Variants in KIF26B observed in about 807,000 individuals in gnomAD.
KIF26B encodes the protein kinesin family member 26B.
Under a neutral mutation model 151.2 loss-of-function variants are expected in KIF26B, and 63 were observed. The observed-to-expected ratio is 0.42, with a 90% CI of 0.34 to 0.51. The LOEUF (loss-of-function observed/expected upper bound fraction) is 0.51, where lower values mean the gene tolerates loss of function less well. KIF26B is among the 20% of genes least tolerant of loss of function. The pLI is 0.07. For synonymous variants in KIF26B, 1,357 were observed against 1,262.1 expected, an observed-to-expected ratio of 1.08 and a Z score of -1.59; for missense variants, 2,813 against 2,913.6, an observed-to-expected ratio of 0.97 and a Z score of 0.79.
intron 5 of KIF26B, among the ~76,000 whole-genome samples, chr1:245,552,003 C>A (rs905570780): frequency 2.6e-5 from 4 of 152,062 alleles, no homozygotes; most frequent in Non-Finnish European, 5.9e-5. Flanking sequence ...GGGCCATGTC[C>A]TTCTTGTTCC....
chr1:245,517,229 C>T (rs1027400597), intron 4 of KIF26B, among the ~76,000 whole-genome samples: 7 of 152,030 alleles, frequency 4.6e-5, no homozygotes, highest in African/African-American at 9.7e-5. Context: ...CGTGGTGACA[C>T]GTGCCCCAGC....
In KIF26B at chr1:245,686,658, C is replaced by G; in HGVS notation, c.3675C>G (p.Gly1225=). Reference sequence around the variant, plus strand: ...GCTCTGCACGGGCCCTGGCCTCGGGCTCGCGGCCCGTCAGCATCATCAGCA... The same window carrying G: ...GCTCTGCACGGGCCCTGGCCTCGGGGTCGCGGCCCGTCAGCATCATCAGCA... The part of the protein sequence containing the change: ...SDCSARALAS[G]SRPVSIISSI... Residue 1225 remains glycine (G), a synonymous_variant, in exon 12 of 15, where the codon GGC becomes GGG. Transcript: ENST00000407071. The surrounding 1 kb of genome is among the most constrained non-coding windows in gnomAD (Gnocchi z 5.6). 1 of 1,611,286 alleles carries G rather than the reference C, an allele frequency of 6.2e-7. No homozygotes were observed. The highest frequency in any genetic ancestry group is 8.5e-7 in the Non-Finnish European group (1 of 1,178,986).
intron 4 of KIF26B, among the ~76,000 whole-genome samples, chr1:245,457,736 A>G (rs868460637): frequency 5.9e-5 from 9 of 152,340 alleles, no homozygotes; most frequent in Middle Eastern, 6.8e-3. Flanking sequence ...TCAATATTAT[A>G]TATTTGAGAT....
At chr1:245,432,709 G>A (rs796575670) in intron 4 of KIF26B, among the ~76,000 whole-genome samples, 37 of 152,306 alleles carry the variant, frequency 2.4e-4, no homozygotes, top group African/African-American at 8.4e-4. Context: ...GATATTATGT[G>A]GTGTTGGGTA....
At chr1:245,483,405 C>T (rs1172606539) in intron 4 of KIF26B, among the ~76,000 whole-genome samples, 1 of 151,792 alleles carries the variant, frequency 6.6e-6, no homozygotes, top group South Asian at 2.1e-4. Context: ...TCTGCCTGAC[C>T]CCAGAGCTCC....
chr1:245,641,254 T>C (rs951729364), intron 9 of KIF26B, among the ~76,000 whole-genome samples: 7 of 152,150 alleles, frequency 4.6e-5, no homozygotes, highest in African/African-American at 1.7e-4. Context: ...TCTCACTGTT[T>C]TTAGGACCCT....
At chr1:245,586,617 C>T (rs972678226) in intron 5 of KIF26B, among the ~76,000 whole-genome samples, 10 of 152,126 alleles carry the variant, frequency 6.6e-5, no homozygotes, top group Non-Finnish European at 1.3e-4. Context: ...GGCGCGGTGG[C>T]TCACGCCTGT....
intron 2 of KIF26B, among the ~76,000 whole-genome samples, chr1:245,276,234 C>T (rs1670935797): frequency 6.6e-6 from 1 of 152,008 alleles, no homozygotes; most frequent in Non-Finnish European, 1.5e-5. Context: ...ACTCAGGAGG[C>T]TGAGGCAGGA....
chr1:245,356,065 G>A (rs980752175), intron 2 of KIF26B, among the ~76,000 whole-genome samples: 2 of 152,156 alleles, frequency 1.3e-5, no homozygotes, highest in African/African-American at 4.8e-5. Flanking sequence ...AGGGGACCTG[G>A]AAACCTGCCT....
chr1:245,315,005 A>G (rs1414015234), intron 2 of KIF26B, among the ~76,000 whole-genome samples: 1 of 151,754 alleles, frequency 6.6e-6, no homozygotes, highest in Non-Finnish European at 1.5e-5. Flanking sequence ...ACATGGAGAA[A>G]CCCCGTCTCT....
chr1:245,184,600 G>T (rs1158496295), intron 2 of KIF26B, among the ~76,000 whole-genome samples: 1 of 152,104 alleles, frequency 6.6e-6, no homozygotes, highest in African/African-American at 2.4e-5. Flanking sequence ...GTAAAAATAG[G>T]AGTCAAAATT....
intron 9 of KIF26B, among the ~76,000 whole-genome samples, chr1:245,634,446 A>G (rs983582408): frequency 1.3e-5 from 2 of 152,192 alleles, no homozygotes; most frequent in Non-Finnish European, 2.9e-5. Flanking sequence ...ACCATTAAGT[A>G]TGATGTTAGC....
At chr1:245,683,182 G>A (rs1360073545) in intron 10 of KIF26B, among the ~76,000 whole-genome samples, 1 of 152,172 alleles carries the variant, frequency 6.6e-6, no homozygotes, top group African/African-American at 2.4e-5. Context: ...TGTCTGCTGA[G>A]CTGGATAGTC....
At chr1:245,569,445 A>C (rs1436141731) in intron 5 of KIF26B, among the ~76,000 whole-genome samples, 1 of 152,036 alleles carries the variant, frequency 6.6e-6, no homozygotes, top group Non-Finnish European at 1.5e-5. Context: ...TTGTCTCTAC[A>C]AAAAGTACAA....
intron 5 of KIF26B, among the ~76,000 whole-genome samples, chr1:245,568,146 C>T (rs1181998964): frequency 6.8e-6 from 1 of 147,618 alleles, no homozygotes; most frequent in African/African-American, 2.5e-5. Flanking sequence ...GATCATGTCC[C>T]TGCACTCCAG....
intron 12 of KIF26B, among the ~76,000 whole-genome samples, chr1:245,694,055 A>G (rs535425214): frequency 4.5e-4 from 68 of 152,318 alleles, no homozygotes; most frequent in African/African-American, 1.6e-3. Flanking sequence ...GTGAGATGAC[A>G]CTGTGGTCCT....
intron 5 of KIF26B, among the ~76,000 whole-genome samples, chr1:245,547,556 A>T (rs907248909): frequency 7.2e-6 from 1 of 139,480 alleles, no homozygotes; most frequent in Non-Finnish European, 1.5e-5. Flanking sequence ...ACTGCACTCC[A>T]GGCTGGGCGA....
chr1:245,357,162 C>T (rs1672718487), intron 2 of KIF26B, among the ~76,000 whole-genome samples: 1 of 152,210 alleles, frequency 6.6e-6, no homozygotes, highest in Admixed American at 6.5e-5. Flanking sequence ...TTGACTTTGA[C>T]TCTGAAGGAA....
intron 3 of KIF26B, among the ~76,000 whole-genome samples, chr1:245,406,761 TA>T (rs1674143766): frequency 6.6e-6 from 1 of 152,066 alleles, no homozygotes; most frequent in Non-Finnish European, 1.5e-5. Flanking sequence ...CTTCAAAGGT[TA>T]GGTCTATTTT....
Sources: allele counts gnomAD v4.1 joint callset (sites outside exome capture counted in the v4.1 genomes callset), GRCh38; gene constraint gnomAD v4.1.1; non-coding constraint Gnocchi (gnomAD v3.1); transcripts MANE v1.5; gene names NCBI Gene and HGNC (gene_info 2026-07-23, HGNC 2026-07-21).